The following TBX2 variants were observed in gnomAD, a reference collection of about 807,000 sequenced individuals.
The protein encoded by TBX2 is T-box transcription factor TBX2.
In TBX2, 19 loss-of-function variants were observed where a neutral mutation model predicts 48.4. The ratio of observed to expected loss-of-function variants is 0.39; its 90% CI spans 0.27 to 0.58. TBX2 has a LOEUF of 0.58. Ranked by LOEUF, TBX2 falls within the 20% of genes least tolerant of loss-of-function variation. TBX2 has a pLI of 0.54. For synonymous variants in TBX2, 522 were observed against 459.7 expected (o/e 1.14, Z -1.73); for missense variants, 994 against 1,006.5 (o/e 0.99, Z 0.17).
In TBX2 at chr17:61,400,652, G is replaced by C. The variant is rs1002111591; in HGVS notation, c.395+81G>C. ...GGACTGCACGGATCAGAGCAGAGCTGGGGACTCCCGGCTCCCGGCTCCCGG... is the reference window on the plus strand; with the variant it reads ...GGACTGCACGGATCAGAGCAGAGCTCGGGACTCCCGGCTCCCGGCTCCCGG... On this transcript the variant is annotated intron_variant, in intron 1 of 6. Transcript: ENST00000240328. This position sits in a 1 kb window ranked among gnomAD's most constrained non-coding sequence, Gnocchi z 9.2. 2.1e-5 allele frequency: 28 copies of C among 1,363,112 alleles called. No homozygotes were observed. Among genetic ancestry groups the C allele is most frequent in the Non-Finnish European group, 2.8e-5 (28 of 1,017,246 alleles). 84.4% of individuals were successfully genotyped at this position (1,363,112 alleles called of 1,614,324 possible).
At position 61,403,328 on chromosome 17, in the gene TBX2, C is replaced by G; in HGVS notation, c.810+121C>G. ...ACGGGATCCGCGCTCTTGCGGCCCG[C>G]CCCCGAGCACCGAGCCTCGCATCCA... On this transcript the variant is annotated intron_variant, in intron 3 of 6. Coordinates refer to ENST00000240328, the MANE Select transcript of TBX2 (RefSeq NM_005994.4). The surrounding 1 kb of genome is among the most constrained non-coding windows in gnomAD (Gnocchi z 5.8). The G allele has an allele frequency of 6.9e-7, 1 of 1,445,084 alleles. No individual in the cohort carries two copies. The highest frequency in any genetic ancestry group is 9.2e-7 in the Non-Finnish European group (1 of 1,084,808). 89.5% of individuals were successfully genotyped at this position (1,445,084 alleles called of 1,614,324 possible).
chr17:61,405,632 A>G lies in TBX2; in HGVS notation c.1482A>G (p.Gly494=), dbSNP rs1196086463. 2 of 1,559,570 alleles carry G rather than the reference A, an allele frequency of 1.3e-6. No homozygotes were observed. The highest frequency in any genetic ancestry group is 1.7e-6 in the Non-Finnish European group (2 of 1,157,002). Residue 494 remains glycine, a synonymous_variant, in exon 6 of 7, where the codon GGA becomes GGG. Coordinates refer to ENST00000240328, the MANE Select transcript of TBX2 (RefSeq NM_005994.4). ...GAGQPLFLHP[G]QFTMGPGAFS... ...GCCAGCCGCTCTTCCTGCACCCTGGACAGTTCACCATGGGCCCTGGCGCCT... is the reference window on the plus strand; with the variant it reads ...GCCAGCCGCTCTTCCTGCACCCTGGGCAGTTCACCATGGGCCCTGGCGCCT...
Position 61,405,688 on chromosome 17 carries a change from C to G in TBX2, c.1538C>G (p.Ala513Gly), listed in dbSNP as rs771391654. The G allele has an allele frequency of 1.1e-5, 15 of 1,392,178 alleles. No homozygotes were observed. The highest frequency in any genetic ancestry group is 1.4e-5 in the Non-Finnish European group (15 of 1,078,292). The allele number at this position is 1,392,178 out of a possible 1,614,324, so 86.2% of individuals were successfully genotyped here. A position where few individuals can be genotyped will look rare whatever the true frequency, so the allele number is the denominator to read the frequency against. Residue 513 changes from alanine to glycine, a missense_variant, in exon 6 of 7, where the codon GCC (alanine) becomes GGC (glycine). By Grantham distance (60) the Ala-to-Gly change is moderately conservative. Around this residue, in one of 5 missense-constraint regions of TBX2, gnomAD observed 639 missense variants for 613.2 expected, o/e 1.04. Transcript: ENST00000240328. ...FSAMGMGHLL[A>G]SVAGGGNGGG... is the part of the protein sequence containing the mutation. The stretch of plus-strand genomic sequence containing the variant: ...GCCATGGGCATGGGTCACCTACTGG[C>G]CTCGGTGGCAGGCGGCGGCAACGGC...
chr17:61,402,225 T>C (rs528922527), intron 2 of TBX2, among the ~76,000 whole-genome samples: 1 of 152,242 alleles, frequency 6.6e-6, no homozygotes, highest in East Asian at 1.9e-4. Context: ...GTACCGTCAA[T>C]AGGGAGGCAG....
Position 61,401,798 on chromosome 17 carries a change from G to A in TBX2, c.510G>A (p.Ser170=). 6.2e-7 allele frequency: 1 copy of A among 1,613,154 alleles called. No individual in the cohort carries two copies. Among genetic ancestry groups the A allele is most frequent in the Non-Finnish European group, 8.5e-7 (1 of 1,180,022 alleles). The change falls in exon 2 of 7, where the codon TCG becomes TCA. Residue 170 remains serine (S), a synonymous_variant. Transcript: ENST00000240328. ...ATTGCCGCTATAAGTTCCACAACTC[G>A]CGCTGGATGGTGGCGGGCAAGGCCG... The part of the protein sequence containing the change: ...ADDCRYKFHN[S]RWMVAGKADP...
At position 61,400,175 on chromosome 17, in the gene TBX2, C is replaced by G. The variant is rs765340485; in HGVS notation, c.-2C>G. 4.5e-6 allele frequency: 5 copies of G among 1,109,014 alleles called. No individual in the cohort carries two copies. The highest frequency in any genetic ancestry group is 3.5e-5 in the Admixed American group (1 of 28,504). 68.7% of individuals were successfully genotyped at this position (1,109,014 alleles called of 1,614,324 possible). A position where few individuals can be genotyped will look rare whatever the true frequency, so the allele number is the denominator to read the frequency against. The stretch of plus-strand genomic sequence containing the variant: ...CCCCGGGCGCCTGGGCCGGATGTCC[C>G]GATGAGAGAGCCGGCGCTGGCGGCC... On this transcript the variant is annotated 5_prime_UTR_variant, in exon 1 of 7. Transcript: ENST00000240328. The surrounding 1 kb of genome is among the most constrained non-coding windows in gnomAD (Gnocchi z 9.2).
In TBX2 at chr17:61,400,341, G is replaced by T; in HGVS notation, c.165G>T (p.Pro55=). The T allele has an allele frequency of 1.0e-6, 1 of 1,001,412 alleles. No homozygotes were observed. Among genetic ancestry groups the T allele is most frequent in the Middle Eastern group, 4.8e-4 (1 of 2,076 alleles). 62.0% of individuals were successfully genotyped at this position (1,001,412 alleles called of 1,614,324 possible). A position where few individuals can be genotyped will look rare whatever the true frequency, so the allele number is the denominator to read the frequency against. ...CGCTGGCCAAGCCGCTGCCCGACCCGGGCCTGGCGGGGGCGGCGGCCGCGG... is the reference window on the plus strand; with the variant it reads ...CGCTGGCCAAGCCGCTGCCCGACCCTGGCCTGGCGGGGGCGGCGGCCGCGG... ...PGALAKPLPD[P]GLAGAAAAAA... is the part of the protein sequence containing the mutation. Residue 55 remains proline (P), a synonymous_variant, in exon 1 of 7, where the codon CCG becomes CCT. Coordinates refer to ENST00000240328, the MANE Select transcript of TBX2 (RefSeq NM_005994.4). This position sits in a 1 kb window ranked among gnomAD's most constrained non-coding sequence, Gnocchi z 9.2.
chr17:61,405,682 T>C lies in TBX2; in HGVS notation c.1532T>C (p.Leu511Pro). 7.1e-7 allele frequency: 1 copy of C among 1,407,286 alleles called. No homozygotes were observed. The allele number at this position is 1,407,286 out of a possible 1,614,324, so 87.2% of individuals were successfully genotyped here. ...TTCTCCGCCATGGGCATGGGTCACC[T>C]ACTGGCCTCGGTGGCAGGCGGCGGC... ...GAFSAMGMGH[L>P]LASVAGGGNG... Residue 511 changes from leucine to proline, a missense_variant, in exon 6 of 7, where the codon CTA becomes CCA. By Grantham distance (98) the Leu-to-Pro change is moderately conservative. This residue lies in a region of TBX2 where 639 missense variants were observed against 613.2 expected (regional missense o/e 1.04). Coordinates refer to ENST00000240328, the MANE Select transcript of TBX2 (RefSeq NM_005994.4).
Position 61,406,069 on chromosome 17 carries a change from C to T in TBX2, c.1686+233C>T. ...GCGCCGCTTCTGACTCCCGTGTGAC[C>T]TTTGGCAAGTCCCTGACCCTCTCTG... On this transcript the variant is annotated intron_variant, in intron 6 of 6. Transcript: ENST00000240328. This position sits in a 1 kb window ranked among gnomAD's most constrained non-coding sequence, Gnocchi z 5.7. The T allele has an allele frequency of 2.5e-6, 1 of 402,936 alleles. No individual in the cohort carries two copies. The highest frequency in any genetic ancestry group is 1.4e-4 in the South Asian group (1 of 7,278). The allele number at this position is 402,936 out of a possible 1,614,324, so 25.0% of individuals were successfully genotyped here.
Position 61,403,666 on chromosome 17 carries a change from C to A in TBX2, c.810+459C>A, listed in dbSNP as rs2060275679. Reference sequence around the variant, plus strand: ...GAGGGTGGGACAGGTGACACAGCCCCCCAAAGCACTCCTGGCTACTGCTCT... The same window carrying A: ...GAGGGTGGGACAGGTGACACAGCCCACCAAAGCACTCCTGGCTACTGCTCT... On this transcript the variant is annotated intron_variant, in intron 3 of 6. Transcript: ENST00000240328. The surrounding 1 kb of genome is among the most constrained non-coding windows in gnomAD (Gnocchi z 5.8). Among the ~76,000 whole-genome samples, 1 of 152,112 alleles carries A rather than the reference C, an allele frequency of 6.6e-6. No individual in the cohort carries two copies. Among genetic ancestry groups the A allele is most frequent in the East Asian group, 1.9e-4 (1 of 5,142 alleles).
intron 6 of TBX2, chr17:61,407,273 C>T (rs997081479): frequency 6.6e-6 from 1 of 152,310 alleles, no homozygotes; most frequent in African/African-American, 2.4e-5. Context: ...TAGAGCCAGG[C>T]CTGAGGCTCC....
At chr17:61,401,356 G>A (rs2060263159) in intron 1 of TBX2, among the ~76,000 whole-genome samples, 1 of 152,224 alleles carries the variant, frequency 6.6e-6, no homozygotes, top group Non-Finnish European at 1.5e-5. Context: ...AAGGAGAAGC[G>A]AGAATATTTC....
At position 61,404,693 on chromosome 17, in the gene TBX2, C is replaced by G; in HGVS notation, c.975C>G (p.Cys325Trp). The G allele has an allele frequency of 2.5e-6, 4 of 1,574,194 alleles. No individual in the cohort carries two copies. The highest frequency in any genetic ancestry group is 3.4e-6 in the Non-Finnish European group (4 of 1,160,376). Residue 325 changes from cysteine (C) to tryptophan (W), a missense_variant, in exon 5 of 7, where the codon TGC becomes TGG. This residue lies in a region of TBX2 where 639 missense variants were observed against 613.2 expected (regional missense o/e 1.04). Coordinates refer to ENST00000240328, the MANE Select transcript of TBX2 (RefSeq NM_005994.4). ...RDGAESDASS[C>W]DPPPAREPPT... ...GCGCGGAGTCAGACGCCTCGTCGTG[C>G]GACCCTCCCCCCGCGCGGGAACCAC...
In TBX2 at chr17:61,408,698, G is replaced by A. The variant is rs906735179; in HGVS notation, c.*192G>A. On this transcript the variant is annotated 3_prime_UTR_variant, in exon 7 of 7. Transcript: ENST00000240328. ...CCTGGGCCTCAACAAGGATCAGGCT[G>A]CTGGAAACACAGTCACTTGGGAGCT... is the stretch of plus-strand genomic sequence containing the variant. 19 of 494,474 alleles carry A rather than the reference G, an allele frequency of 3.8e-5. No homozygotes were observed. The South Asian group carries it at 5.5e-4, about 14-fold the overall frequency. 30.6% of individuals were successfully genotyped at this position (494,474 alleles called of 1,614,324 possible). A position where few individuals can be genotyped will look rare whatever the true frequency, so the allele number is the denominator to read the frequency against.
chr17:61,402,461 A>C (rs987678568), intron 2 of TBX2, among the ~76,000 whole-genome samples: 17 of 121,638 alleles, frequency 1.4e-4, no homozygotes, highest in Non-Finnish European at 2.3e-4. Flanking sequence ...TCCCACAGGC[A>C]GATGCCCAAC....
rs527788664 is a variant in TBX2 at position 61,400,154 on chromosome 17, G to C, written c.-23G>C. 952 of 1,005,352 alleles carry C rather than the reference G, an allele frequency of 9.5e-4. 10 individuals are homozygous for C. In the African/African-American group the frequency reaches 0.016, roughly 16 times the overall value. The allele number at this position is 1,005,352 out of a possible 1,614,324, so 62.3% of individuals were successfully genotyped here. A position where few individuals can be genotyped will look rare whatever the true frequency, so the allele number is the denominator to read the frequency against. ...GCCCCCGGCCCCGGCCCCGGCCCCC[G>C]GGCGCCTGGGCCGGATGTCCCGATG... On this transcript the variant is annotated 5_prime_UTR_variant, in exon 1 of 7. Coordinates refer to ENST00000240328, the MANE Select transcript of TBX2 (RefSeq NM_005994.4). The surrounding 1 kb of genome is among the most constrained non-coding windows in gnomAD (Gnocchi z 9.2).
In TBX2 at chr17:61,406,967, C is replaced by A. The variant is rs951447522; in HGVS notation, c.1687-1087C>A. 14 of 152,048 alleles carry A rather than the reference C, an allele frequency of 9.2e-5. No individual in the cohort carries two copies. The highest frequency in any genetic ancestry group is 3.4e-4 in the African/African-American group (14 of 41,368). The allele number at this position is 152,048 out of a possible 1,614,324, so 9.4% of individuals were successfully genotyped here. On this transcript the variant is annotated intron_variant, in intron 6 of 6. Coordinates refer to ENST00000240328, the MANE Select transcript of TBX2 (RefSeq NM_005994.4). This position sits in a 1 kb window ranked among gnomAD's most constrained non-coding sequence, Gnocchi z 5.7. The stretch of plus-strand genomic sequence containing the variant: ...ACAAACTGGTAATAATCACCAGCAT[C>A]ACAGAGGTCATGAGGAAGTCAGGGC...
chr17:61,405,593 G>A lies in TBX2; in HGVS notation c.1443G>A (p.Gly481=), dbSNP rs778735402. The change falls in exon 6 of 7, where the codon GGG becomes GGA. Residue 481 remains glycine, a synonymous_variant. Coordinates refer to ENST00000240328, the MANE Select transcript of TBX2 (RefSeq NM_005994.4). ...ACTTGCACGGGCAGCAGTTCTTTGG[G>A]CCGCTGGGAGCCGGCCAGCCGCTCT... The part of the protein sequence containing the change: ...SSHLHGQQFF[G]PLGAGQPLFL... 9 of 1,596,062 alleles carry A rather than the reference G, an allele frequency of 5.6e-6. No homozygotes were observed. In the East Asian group the frequency reaches 1.8e-4, roughly 32 times the overall value.
chr17:61,405,652 G>T lies in TBX2; in HGVS notation c.1502G>T (p.Gly501Val), dbSNP rs1162684137. ...CCTGGACAGTTCACCATGGGCCCTG[G>T]CGCCTTCTCCGCCATGGGCATGGGT... ...LHPGQFTMGPGAFSAMGMGHL... is the reference protein window; with the variant it reads ...LHPGQFTMGPVAFSAMGMGHL... Residue 501 changes from glycine (G) to valine (V), a missense_variant, in exon 6 of 7, where the codon GGC becomes GTC. By Grantham distance (109) the Gly-to-Val change is moderately radical. This residue lies in a region of TBX2 where 639 missense variants were observed against 613.2 expected (regional missense o/e 1.04). Transcript: ENST00000240328. The T allele has an allele frequency of 6.0e-6, 9 of 1,494,064 alleles. No homozygotes were observed. The highest frequency in any genetic ancestry group is 8.0e-6 in the Non-Finnish European group (9 of 1,127,100). 92.6% of individuals were successfully genotyped at this position (1,494,064 alleles called of 1,614,324 possible). A position where few individuals can be genotyped will look rare whatever the true frequency, so the allele number is the denominator to read the frequency against.
Sources: allele counts gnomAD v4.1 joint callset (sites outside exome capture counted in the v4.1 genomes callset), GRCh38; gene constraint gnomAD v4.1.1; regional missense constraint gnomAD v4.1.1; non-coding constraint Gnocchi (gnomAD v3.1); transcripts MANE v1.5; gene names NCBI Gene and HGNC (gene_info 2026-07-23, HGNC 2026-07-21).